SWT1: variants seen among roughly 807,000 people sequenced by gnomAD.
SWT1 encodes the protein transcriptional protein SWT1.
A neutral mutation model predicts 107.3 loss-of-function variants in SWT1; 33 were observed. The ratio of observed to expected loss-of-function variants is 0.31; its 90% CI spans 0.23 to 0.41. SWT1 has a LOEUF of 0.41. Among genes scored for constraint, SWT1 ranks in the 10% least tolerant of loss-of-function variants. The probability of loss-of-function intolerance (pLI) is 1.00; values close to 1 mark genes in which losing one functional copy is unlikely to be tolerated. For missense variants in SWT1, 898 were observed against 1,028.9 expected (o/e 0.87, Z 1.74); for synonymous variants, 345 against 348.3 (o/e 0.99, Z 0.11).
intron 16 of SWT1, 63 bp downstream of exon 16, chr1:185,231,771 A>C (rs1341426800): frequency 1.5e-6 from 2 of 1,377,992 alleles, no homozygotes; most frequent in Non-Finnish European, 2.0e-6. Flanking sequence ...TCCTAGGCTT[A>C]CCAACTTTTT....
intron 5 of SWT1, among the ~76,000 whole-genome samples, chr1:185,175,817 C>A (rs1249469996): frequency 6.6e-6 from 1 of 151,972 alleles, no homozygotes; most frequent in Non-Finnish European, 1.5e-5. Context: ...TACCAGGCAC[C>A]ACAATAAAAT....
chr1:185,240,796 T>G (rs1020748905), intron 16 of SWT1, among the ~76,000 whole-genome samples: 1 of 152,090 alleles, frequency 6.6e-6, no homozygotes, highest in Non-Finnish European at 1.5e-5. Context: ...AAGTTTGGGG[T>G]TTTTTGGGTG....
rs1663771509 is a variant in SWT1, at chr1:185,270,443, C to T, written c.2442-880C>T. On this transcript the variant is annotated intron_variant, in intron 16 of 18. Coordinates refer to ENST00000367500, the MANE Select transcript of SWT1 (RefSeq NM_017673.7). ...ATGGCCGGGTGCTGTGGCTCACACC[C>T]ATAATCCCAGAACTTTGGGAGCCTG... is the stretch of plus-strand genomic sequence containing the variant. Among the ~76,000 whole-genome samples, 3 of 152,226 alleles carry T rather than the reference C, an allele frequency of 2.0e-5. No homozygotes were observed. In the South Asian group the frequency reaches 6.2e-4, roughly 32 times the overall value.
chr1:185,193,944 G>A (rs949008469), intron 10 of SWT1, among the ~76,000 whole-genome samples: 1 of 152,180 alleles, frequency 6.6e-6, no homozygotes, highest in Non-Finnish European at 1.5e-5. Context: ...ATTCCCTCAG[G>A]CAAAAAGATA....
rs180932015 is a variant in SWT1 at position 185,228,016 on chromosome 1, G to A, written c.2310-3561G>A. ...TGAAGTGGGACAATCACTTGAGCCC[G>A]GGAGGTAGAAGCTGCAGTGAGCTGT... On this transcript the variant is annotated intron_variant, in intron 15 of 18. Coordinates refer to ENST00000367500, the MANE Select transcript of SWT1 (RefSeq NM_017673.7). Among the ~76,000 whole-genome samples the A allele has an allele frequency of 6.1e-3, 919 of 151,718 alleles. 8 individuals carry two copies. The highest frequency in any genetic ancestry group is 0.021 in the African/African-American group (863 of 41,338).
At chr1:185,177,325 A>G (rs1171611155) in intron 5 of SWT1, among the ~76,000 whole-genome samples, 1 of 152,208 alleles carries the variant, frequency 6.6e-6, no homozygotes, top group Non-Finnish European at 1.5e-5. Flanking sequence ...AGCATGAGAA[A>G]TCTCTGCAGG....
intron 16 of SWT1, among the ~76,000 whole-genome samples, chr1:185,245,008 C>T (rs529016279): frequency 6.6e-6 from 1 of 152,160 alleles, no homozygotes; most frequent in Admixed American, 6.5e-5. Context: ...GAGCCCCCCA[C>T]GAGTTCAAGG....
In SWT1 at chr1:185,197,031, G is replaced by A. The variant is rs537854194; in HGVS notation, c.1524-5623G>A. On this transcript the variant is annotated intron_variant, in intron 10 of 18. Transcript: ENST00000367500. ...AGAGAGGGCATCCTTGTTTTGTGCC[G>A]GTTTTCAAAGGCAAAGCTTCCAGCT... 1.1e-4 allele frequency among the ~76,000 whole-genome samples: 17 copies of A among 152,154 alleles called. No individual in the cohort carries two copies. The East Asian group carries it at 1.2e-3, about 10-fold the overall frequency.
At chr1:185,235,864 A>G (rs1393342997) in intron 16 of SWT1, among the ~76,000 whole-genome samples, 2 of 152,240 alleles carry the variant, frequency 1.3e-5, no homozygotes, top group Non-Finnish European at 2.9e-5. Context: ...GTCTCAGGAT[A>G]CAAAATCAAT....
At chr1:185,269,769 A>G (rs899177325) in intron 16 of SWT1, among the ~76,000 whole-genome samples, 1 of 152,200 alleles carries the variant, frequency 6.6e-6, no homozygotes, top group Non-Finnish European at 1.5e-5. Flanking sequence ...ACTACAGATG[A>G]TTTCCAACTT....
chr1:185,250,442 A>G (rs1416864211), intron 16 of SWT1, among the ~76,000 whole-genome samples: 2 of 152,186 alleles, frequency 1.3e-5, no homozygotes, highest in African/African-American at 4.8e-5. Context: ...GTAAATATTG[A>G]ATAGTTCTTA....
At position 185,271,591 on chromosome 1, in the gene SWT1, A is replaced by G. The variant is rs77507561; in HGVS notation, c.2508+202A>G. Among the ~76,000 whole-genome samples, 171 of 152,278 alleles carry G rather than the reference A, an allele frequency of 1.1e-3. 7 individuals are homozygous for G. In the East Asian group the frequency reaches 0.024, roughly 21 times the overall value. On this transcript the variant is annotated intron_variant, in intron 17 of 18. Coordinates refer to ENST00000367500, the MANE Select transcript of SWT1 (RefSeq NM_017673.7). ...AAATGGTATATTTAAGGTATATAGC[A>G]TGGTGTTTTGATATGTTATACATAG...
chr1:185,266,339 C>T (rs1287277272), intron 16 of SWT1, among the ~76,000 whole-genome samples: 1 of 152,244 alleles, frequency 6.6e-6, no homozygotes, highest in Non-Finnish European at 1.5e-5. Flanking sequence ...GCTGGGATTA[C>T]AGGCGTGAGC....
intron 10 of SWT1, 75 bp from the exon 11 acceptor site, chr1:185,202,579 A>G (rs1253011778): frequency 1.7e-5 from 21 of 1,268,340 alleles, no homozygotes; most frequent in Non-Finnish European, 1.1e-6. Context: ...ACTAGATCTC[A>G]TGTGTTTTGA....
At chr1:185,193,177 CTAAGTA>C (rs1657103199) in intron 10 of SWT1, among the ~76,000 whole-genome samples, 1 of 152,054 alleles carries the variant, frequency 6.6e-6, no homozygotes, top group South Asian at 2.1e-4. Context: ...TTGCCTAATT[CTAAGTA>C]TTTGTAAAAT....
chr1:185,202,322 A>G (rs1018730696), intron 10 of SWT1, among the ~76,000 whole-genome samples: 1 of 152,116 alleles, frequency 6.6e-6, no homozygotes, highest in Non-Finnish European at 1.5e-5. Flanking sequence ...CCTGTATTCA[A>G]ATCCAGCTCC....
chr1:185,208,320 A>G (rs963866815), intron 13 of SWT1, among the ~76,000 whole-genome samples: 2 of 152,134 alleles, frequency 1.3e-5, no homozygotes, highest in Non-Finnish European at 2.9e-5. Flanking sequence ...TTCTCAGAGG[A>G]GTAAAGGGTA....
intron 16 of SWT1, among the ~76,000 whole-genome samples, chr1:185,240,893 A>G (rs973955632): frequency 3.3e-5 from 5 of 152,062 alleles, no homozygotes; most frequent in Admixed American, 2.0e-4. Flanking sequence ...GTAAGAACAG[A>G]CCATATATGG....
chr1:185,242,249 G>T (rs1181866679), intron 16 of SWT1, among the ~76,000 whole-genome samples: 1 of 152,106 alleles, frequency 6.6e-6, no homozygotes, highest in African/African-American at 2.4e-5. Context: ...AATGTAATAT[G>T]TAATAAAATT....
Sources: allele counts gnomAD v4.1 joint callset (sites outside exome capture counted in the v4.1 genomes callset), GRCh38; gene constraint gnomAD v4.1.1; transcripts MANE v1.5; gene names NCBI Gene and HGNC (gene_info 2026-07-23, HGNC 2026-07-21).